The following PIP4K2A variants were observed in gnomAD, a reference collection of about 807,000 sequenced individuals.
PIP4K2A encodes phosphatidylinositol 5-phosphate 4-kinase type-2 alpha.
PIP4K2A carries 14 observed loss-of-function variants against 42.9 expected under a neutral mutation model. That is an observed-to-expected ratio of 0.33 (90% CI 0.22 to 0.51). The LOEUF (loss-of-function observed/expected upper bound fraction) is 0.51, where lower values mean the gene tolerates loss of function less well. PIP4K2A is among the 20% of genes least tolerant of loss of function. The pLI, the probability that PIP4K2A is intolerant of heterozygous loss-of-function variation, is 0.97. For synonymous variants in PIP4K2A, 192 were observed against 192.2 expected, an observed-to-expected ratio of 1.00 and a Z score of 0.01; for missense variants, 434 against 519.8, an observed-to-expected ratio of 0.83 and a Z score of 1.61.
At chr10:22,675,786 G>C (rs12774625) in intron 1 of PIP4K2A, among the ~76,000 whole-genome samples, 17 of 152,136 alleles carry the variant, frequency 1.1e-4, no homozygotes, top group Non-Finnish European at 2.1e-4. Context: ...CAGAGAAGAG[G>C]GTCAATGGCA....
chr10:22,639,857 A>T (rs1298683665), intron 1 of PIP4K2A, among the ~76,000 whole-genome samples: 3 of 152,152 alleles, frequency 2.0e-5, no homozygotes, highest in East Asian at 3.9e-4. Flanking sequence ...ACGTAAATTC[A>T]CACTCCCTGC....
chr10:22,707,310 C>A (rs1394300725), intron 1 of PIP4K2A, among the ~76,000 whole-genome samples: 1 of 152,160 alleles, frequency 6.6e-6, no homozygotes, highest in African/African-American at 2.4e-5. Context: ...CATAGCCAAC[C>A]GAACAAGGAC....
intron 1 of PIP4K2A, among the ~76,000 whole-genome samples, chr10:22,624,599 C>G (rs1394386380): frequency 6.6e-6 from 1 of 152,200 alleles, no homozygotes; most frequent in African/African-American, 2.4e-5. Context: ...GAGTCATGCA[C>G]TTTTCCCTTA....
At chr10:22,654,839 A>G (rs1361157702) in intron 1 of PIP4K2A, among the ~76,000 whole-genome samples, 2 of 152,212 alleles carry the variant, frequency 1.3e-5, no homozygotes, top group African/African-American at 4.8e-5. Context: ...GAAACCTATG[A>G]AAGGTTTTAC....
intron 1 of PIP4K2A, among the ~76,000 whole-genome samples, chr10:22,623,647 A>C (rs1838378929): frequency 6.6e-6 from 1 of 152,226 alleles, no homozygotes; most frequent in Non-Finnish European, 1.5e-5. Context: ...GGTCCAGTGC[A>C]TTGCAACCAA....
chr10:22,662,919 G>A (rs1013232973), intron 1 of PIP4K2A, among the ~76,000 whole-genome samples: 1 of 152,240 alleles, frequency 6.6e-6, no homozygotes, highest in Admixed American at 6.5e-5. Context: ...ATGGGGTAAT[G>A]CAGCAATGCA....
chr10:22,631,214 T>G (rs1838539328), intron 1 of PIP4K2A, among the ~76,000 whole-genome samples: 1 of 152,234 alleles, frequency 6.6e-6, no homozygotes, highest in Non-Finnish European at 1.5e-5. Context: ...AGACTGTAAC[T>G]GTCATGGGCT....
chr10:22,710,996 C>A (rs74121891), intron 1 of PIP4K2A, among the ~76,000 whole-genome samples: 1 of 152,232 alleles, frequency 6.6e-6, no homozygotes, highest in Non-Finnish European at 1.5e-5. Context: ...CATCTTAAGA[C>A]GCTTACTGTT....
intron 1 of PIP4K2A, among the ~76,000 whole-genome samples, chr10:22,680,828 G>GAA (rs1839645642): frequency 1.3e-5 from 2 of 152,152 alleles, no homozygotes; most frequent in Admixed American, 1.3e-4. Context: ...TTTTTATATT[G>GAA]ATTAGTGTGA....
chr10:22,663,533 CAA>C (rs1839249259), intron 1 of PIP4K2A, among the ~76,000 whole-genome samples: 1 of 152,014 alleles, frequency 6.6e-6, no homozygotes, highest in Non-Finnish European at 1.5e-5. Context: ...TGTAAACTGA[CAA>C]ATGTATGTAG....
chr10:22,623,435 G>A (rs982196478), intron 1 of PIP4K2A, among the ~76,000 whole-genome samples: 1 of 152,160 alleles, frequency 6.6e-6, no homozygotes, highest in Admixed American at 6.5e-5. Flanking sequence ...CTTCCACAAG[G>A]GCGGTGTGCT....
At position 22,536,180 on chromosome 10, in the gene PIP4K2A, C is replaced by CATCTT. The variant is rs539069932; in HGVS notation, c.*1016_*1020dup. On this transcript the variant is annotated 3_prime_UTR_variant, in exon 10 of 10. Coordinates refer to ENST00000376573, the MANE Select transcript of PIP4K2A (RefSeq NM_005028.5). ...TGTTGAAACAATGGTCAAACATAAA[C>CATCTT]ATCTTATAATTCAGATCTGCATTTG... is the stretch of plus-strand genomic sequence containing the variant. The CATCTT allele has an allele frequency of 1.7e-4, 68 of 398,484 alleles. No homozygotes were observed. In the East Asian group the frequency reaches 2.3e-3, roughly 14 times the overall value. The allele number at this position is 398,484 out of a possible 1,614,324, so 24.7% of individuals were successfully genotyped here.
rs1477862763 is a variant in PIP4K2A at position 22,694,867 on chromosome 10, C to T, written c.144+19316G>A. Among the ~76,000 whole-genome samples, 4 of 152,104 alleles carry T rather than the reference C, an allele frequency of 2.6e-5. No homozygotes were observed. In the South Asian group the frequency reaches 8.3e-4, roughly 31 times the overall value. On this transcript the variant is annotated intron_variant, in intron 1 of 9. Transcript: ENST00000376573. The stretch of plus-strand genomic sequence containing the variant: ...TCTTTATCCTTAACATAAACTGGAA[C>T]ACATTTTATGAGAACTTACTGCTAT...
At chr10:22,620,275 C>G (rs1331231649) in intron 1 of PIP4K2A, among the ~76,000 whole-genome samples, 1 of 152,210 alleles carries the variant, frequency 6.6e-6, no homozygotes, top group African/African-American at 2.4e-5. Context: ...TGACATAAAA[C>G]TACTGAATTC....
intron 1 of PIP4K2A, among the ~76,000 whole-genome samples, chr10:22,688,991 G>A (rs1236339387): frequency 1.3e-5 from 2 of 152,158 alleles, no homozygotes; most frequent in Non-Finnish European, 2.9e-5. Flanking sequence ...TTCATGCAAG[G>A]AATCACTTAA....
At chr10:22,699,295 G>A (rs1833665448) in intron 1 of PIP4K2A, among the ~76,000 whole-genome samples, 1 of 152,026 alleles carries the variant, frequency 6.6e-6, no homozygotes, top group Admixed American at 6.6e-5. Context: ...TTTGTAAGTT[G>A]GCCCTTTGAT....
chr10:22,606,101 G>A (rs1837900389), intron 3 of PIP4K2A, among the ~76,000 whole-genome samples: 1 of 142,446 alleles, frequency 7.0e-6, no homozygotes, highest in Admixed American at 7.6e-5. Context: ...GAGGCCAGGA[G>A]TTTGAGACCA....
At chr10:22,550,836 C>G (rs1427755707) in intron 6 of PIP4K2A, 64 bp from the exon 7 acceptor site, 1 of 954,960 alleles carries the variant, frequency 1.0e-6, no homozygotes, top group African/African-American at 1.6e-5. Context: ...ACCACATACA[C>G]CTTCCAACCC....
chr10:22,567,278 G>T (rs1251235377), intron 6 of PIP4K2A, among the ~76,000 whole-genome samples: 2 of 152,120 alleles, frequency 1.3e-5, no homozygotes, highest in Admixed American at 1.3e-4. Flanking sequence ...ACTAAATGTG[G>T]CTCAAATACT....
Sources: gnomAD v4.1 joint callset for allele counts (sites outside exome capture counted in the v4.1 genomes callset) on GRCh38, gnomAD v4.1.1 for gene constraint, MANE v1.5 for transcripts, NCBI Gene and HGNC (gene_info 2026-07-23, HGNC 2026-07-21) for gene names.